The following FHIT variants were observed in gnomAD, a reference collection of about 807,000 sequenced individuals.
The protein encoded by FHIT is bis(5'-adenosyl)-triphosphatase.
FHIT carries 19 observed loss-of-function variants against 17.9 expected under a neutral mutation model. The observed-to-expected ratio is 1.06, with a 90% CI of 0.74 to 1.56. FHIT has a LOEUF of 1.56. FHIT is among the 40% of genes most tolerant of loss of function. The pLI is 0.00. For missense variants in FHIT, 248 were observed against 189.2 expected, an observed-to-expected ratio of 1.31 and a Z score of -1.82; for synonymous variants, 81 against 69.7, an observed-to-expected ratio of 1.16 and a Z score of -0.81.
chr3:60,506,366 A>C (rs538710281), intron 5 of FHIT, among the ~76,000 whole-genome samples: 1 of 152,274 alleles, frequency 6.6e-6, no homozygotes. Context: ...CCTTTGGAGA[A>C]ATTATTTATC....
intron 5 of FHIT, among the ~76,000 whole-genome samples, chr3:60,443,975 T>A (rs970081128): frequency 5.3e-5 from 8 of 151,904 alleles, no homozygotes; most frequent in African/African-American, 1.7e-4. Flanking sequence ...GAATCTACAA[T>A]GAACTCAAAC....
At chr3:60,874,905 A>G (rs1381909670) in intron 3 of FHIT, among the ~76,000 whole-genome samples, 4 of 152,176 alleles carry the variant, frequency 2.6e-5, no homozygotes, top group African/African-American at 9.7e-5. Context: ...TGGACGTGTG[A>G]CCTTGGAAAC....
chr3:60,443,841 T>C (rs1238579514), intron 5 of FHIT, among the ~76,000 whole-genome samples: 1 of 151,956 alleles, frequency 6.6e-6, no homozygotes, highest in South Asian at 2.1e-4. Context: ...AATTGACAAA[T>C]GGGATCCAAT....
At chr3:60,175,331 A>C (rs1701620016) in intron 5 of FHIT, among the ~76,000 whole-genome samples, 2 of 152,286 alleles carry the variant, frequency 1.3e-5, no homozygotes, top group East Asian at 1.9e-4. Flanking sequence ...GAAAATGTGG[A>C]ATGCTGAATA....
chr3:60,045,671 C>T (rs1291716926), intron 5 of FHIT, among the ~76,000 whole-genome samples: 1 of 152,196 alleles, frequency 6.6e-6, no homozygotes, highest in Non-Finnish European at 1.5e-5. Context: ...GCTTTCTCCC[C>T]TCCAGGGAAG....
chr3:60,110,818 T>C lies in FHIT; in HGVS notation c.104-96666A>G, dbSNP rs557919232. ...GACATAAAAACCACTCAAGATTTCT[T>C]CCCACTTTAGGACTTTATGATTGCC... On this transcript the variant is annotated intron_variant, in intron 5 of 9. Transcript: ENST00000492590. Among the ~76,000 whole-genome samples the C allele has an allele frequency of 3.9e-5, 6 of 152,358 alleles. No individual in the cohort carries two copies. The South Asian group carries it at 1.2e-3, about 32-fold the overall frequency.
chr3:61,162,166 A>C (rs1164464522), intron 2 of FHIT, among the ~76,000 whole-genome samples: 1 of 152,164 alleles, frequency 6.6e-6, no homozygotes, highest in Non-Finnish European at 1.5e-5. Flanking sequence ...TACCTGACAC[A>C]CTTGAAGAAA....
intron 2 of FHIT, among the ~76,000 whole-genome samples, chr3:61,047,740 G>A (rs1038475291): frequency 2.0e-5 from 3 of 151,838 alleles, no homozygotes; most frequent in Non-Finnish European, 4.4e-5. Context: ...TATACCACAA[G>A]GCTACCCAAA....
chr3:60,080,583 G>A (rs576468559), intron 5 of FHIT, among the ~76,000 whole-genome samples: 19 of 152,146 alleles, frequency 1.2e-4, no homozygotes, highest in African/African-American at 4.6e-4. Context: ...AATAAATTCT[G>A]AGCAAGGTAC....
intron 4 of FHIT, among the ~76,000 whole-genome samples, chr3:60,555,061 T>C (rs2036698070): frequency 6.6e-6 from 1 of 152,260 alleles, no homozygotes; most frequent in African/African-American, 2.4e-5. Flanking sequence ...CTACAGGTGG[T>C]ACAACCTTGT....
intron 5 of FHIT, among the ~76,000 whole-genome samples, chr3:60,521,515 G>A (rs1254174473): frequency 6.6e-6 from 1 of 152,078 alleles, no homozygotes; most frequent in Non-Finnish European, 1.5e-5. Context: ...CCAAAGTGCT[G>A]GGATTACAGG....
chr3:60,898,889 C>T (rs1705962504), intron 3 of FHIT, among the ~76,000 whole-genome samples: 1 of 152,166 alleles, frequency 6.6e-6, no homozygotes, highest in South Asian at 2.1e-4. Flanking sequence ...CAGGGCTGTA[C>T]CAATTAAAAA....
chr3:60,088,713 A>G (rs1419777292), intron 5 of FHIT, among the ~76,000 whole-genome samples: 1 of 152,186 alleles, frequency 6.6e-6, no homozygotes, highest in African/African-American at 2.4e-5. Context: ...TTTACTTTCT[A>G]AAGACAATTC....
intron 2 of FHIT, among the ~76,000 whole-genome samples, chr3:61,183,180 C>G (rs2038396285): frequency 6.6e-6 from 1 of 152,202 alleles, no homozygotes; most frequent in African/African-American, 2.4e-5. Flanking sequence ...TTCTAGCTCT[C>G]TCTGGGTATC....
At chr3:60,325,543 A>G (rs1709652381) in intron 5 of FHIT, among the ~76,000 whole-genome samples, 1 of 152,208 alleles carries the variant, frequency 6.6e-6, no homozygotes, top group Non-Finnish European at 1.5e-5. Context: ...ATGCCTTCAG[A>G]GTTGGGTTTT....
chr3:60,882,039 A>T (rs1705006414), intron 3 of FHIT, among the ~76,000 whole-genome samples: 1 of 152,126 alleles, frequency 6.6e-6, no homozygotes, highest in Non-Finnish European at 1.5e-5. Flanking sequence ...ATAAAATTAG[A>T]AACAAAAAGA....
intron 3 of FHIT, among the ~76,000 whole-genome samples, chr3:60,906,774 A>G (rs1254745160): frequency 6.6e-6 from 1 of 152,076 alleles, no homozygotes. Context: ...TAATTTGTGT[A>G]TTTTTTTGTA....
chr3:59,852,582 T>C lies in FHIT; in HGVS notation c.348+69764A>G, dbSNP rs558275736. On this transcript the variant is annotated intron_variant, in intron 8 of 9. Coordinates refer to ENST00000492590, the MANE Select transcript of FHIT (RefSeq NM_002012.4). Reference sequence around the variant, plus strand: ...TTCAGTCTTGGTGTTGTACATTCTATGGGTTTGGGTAAATGTATAATGGCA... The same window carrying C: ...TTCAGTCTTGGTGTTGTACATTCTACGGGTTTGGGTAAATGTATAATGGCA... Among the ~76,000 whole-genome samples the C allele has an allele frequency of 7.7e-4, 118 of 152,292 alleles. 2 individuals are homozygous for C. The South Asian group carries it at 0.023, about 30-fold the overall frequency.
At chr3:59,949,533 T>C (rs1330165074) in intron 7 of FHIT, among the ~76,000 whole-genome samples, 1 of 152,218 alleles carries the variant, frequency 6.6e-6, no homozygotes, top group Non-Finnish European at 1.5e-5. Context: ...TTGGGATAGA[T>C]ATGTATCCTA....
Sources: gnomAD v4.1 joint callset for allele counts (sites outside exome capture counted in the v4.1 genomes callset) on GRCh38, gnomAD v4.1.1 for gene constraint, MANE v1.5 for transcripts, NCBI Gene and HGNC (gene_info 2026-07-23, HGNC 2026-07-21) for gene names.